The following PDE4D variants were observed in gnomAD, a reference collection of about 807,000 sequenced individuals.
The protein encoded by PDE4D is 3',5'-cyclic-AMP phosphodiesterase 4D.
In PDE4D, 24 loss-of-function variants were observed where a neutral mutation model predicts 87.4. That is an observed-to-expected ratio of 0.27 (90% CI 0.20 to 0.39). PDE4D has a LOEUF of 0.39. Among genes scored for constraint, PDE4D ranks in the 10% least tolerant of loss-of-function variants. The pLI, the probability that PDE4D is intolerant of heterozygous loss-of-function variation, is 1.00. For synonymous variants in PDE4D, 384 were observed against 383.2 expected (o/e 1.00, Z -0.02); for missense variants, 714 against 1,041.0 (o/e 0.69, Z 4.32).
chr5:58,982,593 ATG>A (rs770657711), intron 11 of PDE4D, among the ~76,000 whole-genome samples: 2 of 152,198 alleles, frequency 1.3e-5, no homozygotes, highest in African/African-American at 2.4e-5. Context: ...AAGTGGTCCA[ATG>A]TAATCAACCA....
chr5:60,190,526 G>A (rs1472842169), intron 1 of PDE4D, among the ~76,000 whole-genome samples: 1 of 152,114 alleles, frequency 6.6e-6, no homozygotes, highest in Non-Finnish European at 1.5e-5. Flanking sequence ...CTTTATCTGA[G>A]CTCCTGCTAG....
chr5:59,483,634 T>C (rs1804628002), intron 1 of PDE4D, among the ~76,000 whole-genome samples: 3 of 152,188 alleles, frequency 2.0e-5, no homozygotes, highest in Admixed American at 2.0e-4. Context: ...GTGTGGCTCA[T>C]TGCAACCAGG....
At chr5:59,493,235 C>T (rs1389495649) in intron 1 of PDE4D, among the ~76,000 whole-genome samples, 1 of 152,152 alleles carries the variant, frequency 6.6e-6, no homozygotes, top group Non-Finnish European at 1.5e-5. Context: ...ATGAAAACCT[C>T]TTATTTTGCA....
At chr5:59,227,910 A>G (rs1389151236) in intron 1 of PDE4D, among the ~76,000 whole-genome samples, 2 of 152,196 alleles carry the variant, frequency 1.3e-5, no homozygotes, top group African/African-American at 4.8e-5. Context: ...GGTATATACC[A>G]AAAGGAATAT....
intron 1 of PDE4D, among the ~76,000 whole-genome samples, chr5:59,772,619 C>T (rs1763689451): frequency 6.6e-6 from 1 of 152,162 alleles, no homozygotes; most frequent in South Asian, 2.1e-4. Flanking sequence ...TACAAACAAG[C>T]AAGGCTAGAT....
At chr5:60,204,823 G>A (rs921177883) in intron 1 of PDE4D, among the ~76,000 whole-genome samples, 1 of 152,148 alleles carries the variant, frequency 6.6e-6, no homozygotes, top group Non-Finnish European at 1.5e-5. Context: ...CTAATTAGAT[G>A]TGTAGCTCTG....
chr5:59,382,540 T>C (rs964827415), intron 1 of PDE4D, among the ~76,000 whole-genome samples: 5 of 152,186 alleles, frequency 3.3e-5, no homozygotes, highest in African/African-American at 4.8e-5. Context: ...TCTCTGTAAA[T>C]AATGCTTATT....
rs1306813554 is a variant in PDE4D at position 58,973,746 on chromosome 5, C to A, written c.*918G>T. On this transcript the variant is annotated 3_prime_UTR_variant, in exon 15 of 15. Transcript: ENST00000340635. ...AGAAAAACACTGGTGAAGAGCAACT[C>A]TGCTTATCTGGAAAGAGTGAAACAA... 6.6e-6 allele frequency: 1 copy of A among 152,480 alleles called. No individual in the cohort carries two copies. The highest frequency in any genetic ancestry group is 2.4e-5 in the African/African-American group (1 of 41,388). The allele number at this position is 152,480 out of a possible 1,614,324, so 9.4% of individuals were successfully genotyped here.
chr5:58,993,348 T>G (rs770034033), intron 7 of PDE4D, 24 bp downstream of exon 7: 3 of 1,382,334 alleles, frequency 2.2e-6, no homozygotes, highest in South Asian at 2.8e-5. Context: ...AGAAAAAAAT[T>G]TAATTGCATG....
At position 59,984,345 on chromosome 5, in the gene PDE4D, T is replaced by A. The variant is rs568441713; in HGVS notation, c.272+4143A>T. Among the ~76,000 whole-genome samples the A allele has an allele frequency of 3.4e-3, 525 of 152,312 alleles. 4 individuals carry two copies. Among genetic ancestry groups the A allele is most frequent in the African/African-American group, 0.011 (470 of 41,586 alleles). On this transcript the variant is annotated intron_variant, in intron 3 of 16. Coordinates refer to the PDE4D transcript ENST00000502484. The stretch of plus-strand genomic sequence containing the variant: ...TCAAGTCATTAATAGCTGTCTCTCT[T>A]ACTTCGAGGAAGGTCAGTAAACAGC...
chr5:59,297,279 C>A (rs1283248385), intron 1 of PDE4D, among the ~76,000 whole-genome samples: 2 of 152,138 alleles, frequency 1.3e-5, no homozygotes, highest in African/African-American at 4.8e-5. Context: ...AAAATGTGTC[C>A]TTCCATGCAA....
chr5:60,370,574 T>C (rs934723277), intron 1 of PDE4D, among the ~76,000 whole-genome samples: 1 of 152,206 alleles, frequency 6.6e-6, no homozygotes, highest in African/African-American at 2.4e-5. Flanking sequence ...TCCATCATTC[T>C]CATTAACGAT....
At chr5:59,560,514 C>A (rs138279430) in intron 1 of PDE4D, among the ~76,000 whole-genome samples, 1,804 of 152,306 alleles carry the variant, frequency 0.012, 16 homozygotes, top group Non-Finnish European at 0.018. Context: ...TCCGCTATCT[C>A]TGCGACTTTT....
At chr5:59,360,203 T>C (rs1045661185) in intron 1 of PDE4D, among the ~76,000 whole-genome samples, 7 of 152,144 alleles carry the variant, frequency 4.6e-5, no homozygotes, top group African/African-American at 1.2e-4. Context: ...GTAATCCACA[T>C]AGGCATTCAA....
intron 5 of PDE4D, among the ~76,000 whole-genome samples, chr5:59,145,335 C>A (rs28544243): frequency 0.11 from 17,199 of 152,202 alleles, 1,138 homozygotes; most frequent in Non-Finnish European, 0.15. Flanking sequence ...CCGAATCTTT[C>A]ATCTTCTTCT....
At chr5:60,422,570 G>A (rs571732556) in intron 1 of PDE4D, among the ~76,000 whole-genome samples, 1 of 152,238 alleles carries the variant, frequency 6.6e-6, no homozygotes, top group East Asian at 1.9e-4. Flanking sequence ...GGAACAACTG[G>A]TACCAGCCAC....
intron 1 of PDE4D, among the ~76,000 whole-genome samples, chr5:59,424,179 T>A (rs1794882997): frequency 1.3e-5 from 2 of 152,042 alleles, no homozygotes; most frequent in Admixed American, 1.3e-4. Flanking sequence ...TCAAATCTAT[T>A]GAGTTTGGCA....
At chr5:59,367,507 G>C (rs958807719) in intron 1 of PDE4D, among the ~76,000 whole-genome samples, 1 of 151,916 alleles carries the variant, frequency 6.6e-6, no homozygotes, top group Admixed American at 6.6e-5. Context: ...TTCCCACCAG[G>C]AATTTTAGGT....
At chr5:59,546,575 CA>C (rs1817299895) in intron 1 of PDE4D, among the ~76,000 whole-genome samples, 2 of 151,932 alleles carry the variant, frequency 1.3e-5, no homozygotes, top group African/African-American at 4.8e-5. Flanking sequence ...GGATATAAAT[CA>C]CAAATCCAAT....
Sources: gnomAD v4.1 joint callset for allele counts (sites outside exome capture counted in the v4.1 genomes callset) on GRCh38, gnomAD v4.1.1 for gene constraint, MANE v1.5 for transcripts, NCBI Gene and HGNC (gene_info 2026-07-23, HGNC 2026-07-21) for gene names.